CADM1: variants seen among roughly 807,000 people sequenced by gnomAD.
CADM1 encodes TSLC-1.
Under a neutral mutation model 53.1 loss-of-function variants are expected in CADM1, and 15 were observed. That is an observed-to-expected ratio of 0.28 (90% CI 0.19 to 0.44). CADM1 has a LOEUF of 0.44. Among genes scored for constraint, CADM1 ranks in the 20% least tolerant of loss-of-function variants. CADM1 has a pLI of 1.00. For missense variants in CADM1, 434 were observed against 611.3 expected (o/e 0.71, Z 3.06); for synonymous variants, 281 against 243.0 (o/e 1.16, Z -1.45).
intron 1 of CADM1, among the ~76,000 whole-genome samples, chr11:115,311,171 C>A (rs950185886): frequency 2.0e-5 from 3 of 152,132 alleles, no homozygotes; most frequent in Non-Finnish European, 2.9e-5. Flanking sequence ...TTGACGATTT[C>A]TGTCGAAATG....
At chr11:115,282,918 T>C (rs987698625) in intron 1 of CADM1, among the ~76,000 whole-genome samples, 2 of 152,136 alleles carry the variant, frequency 1.3e-5, no homozygotes, top group Non-Finnish European at 2.9e-5. Context: ...TACAGTATTC[T>C]ACAGAGCATA....
intron 1 of CADM1, among the ~76,000 whole-genome samples, chr11:115,367,431 C>T (rs1946193311): frequency 6.6e-6 from 1 of 152,156 alleles, no homozygotes; most frequent in South Asian, 2.1e-4. Context: ...TGAACCTATA[C>T]ATCAAATCAA....
At chr11:115,282,352 A>T (rs1329561355) in intron 1 of CADM1, among the ~76,000 whole-genome samples, 1 of 152,210 alleles carries the variant, frequency 6.6e-6, no homozygotes, top group Non-Finnish European at 1.5e-5. Flanking sequence ...TTTAGCTTCC[A>T]GGATATTATC....
At chr11:115,382,424 A>C (rs1289211372) in intron 1 of CADM1, among the ~76,000 whole-genome samples, 1 of 152,184 alleles carries the variant, frequency 6.6e-6, no homozygotes, top group Non-Finnish European at 1.5e-5. Context: ...AGAATGAGCA[A>C]ACAAATGAAA....
chr11:115,314,783 G>A (rs1944618350), intron 1 of CADM1, among the ~76,000 whole-genome samples: 1 of 152,140 alleles, frequency 6.6e-6, no homozygotes, highest in South Asian at 2.1e-4. Context: ...CACAAACCCT[G>A]CCAGCAGGAA....
At chr11:115,311,519 A>G (rs1222853915) in intron 1 of CADM1, among the ~76,000 whole-genome samples, 4 of 151,946 alleles carry the variant, frequency 2.6e-5, no homozygotes, top group South Asian at 2.1e-4. Context: ...CATATCCCGT[A>G]AATACTATAT....
intron 10 of CADM1, 77 bp from the exon 11 acceptor site, chr11:115,178,852 G>T: frequency 3.4e-6 from 5 of 1,482,690 alleles, no homozygotes; most frequent in South Asian, 1.1e-5. Flanking sequence ...CTGTCTCCAG[G>T]GTCAGAGGGT....
At chr11:115,334,027 G>T (rs1275729955) in intron 1 of CADM1, among the ~76,000 whole-genome samples, 1 of 152,098 alleles carries the variant, frequency 6.6e-6, no homozygotes, top group Non-Finnish European at 1.5e-5. Context: ...TGTTCATTAT[G>T]CATGAGCCTG....
intron 1 of CADM1, among the ~76,000 whole-genome samples, chr11:115,247,152 A>T (rs979489857): frequency 3.9e-5 from 6 of 152,214 alleles, no homozygotes; most frequent in African/African-American, 1.4e-4. Flanking sequence ...ATTACTATGC[A>T]TGGTTTGATT....
chr11:115,400,144 T>C (rs1034767192), intron 1 of CADM1, among the ~76,000 whole-genome samples: 2 of 152,144 alleles, frequency 1.3e-5, no homozygotes, highest in Non-Finnish European at 1.5e-5. Context: ...ACTAGGTCTG[T>C]TGGCTATAAA....
intron 1 of CADM1, among the ~76,000 whole-genome samples, chr11:115,498,175 C>T (rs560446727): frequency 2.1e-4 from 32 of 152,264 alleles, no homozygotes; most frequent in Admixed American, 3.3e-4. Context: ...TCCTTCACCA[C>T]CATCCCACAA....
At chr11:115,401,105 C>A (rs1201237029) in intron 1 of CADM1, among the ~76,000 whole-genome samples, 5 of 152,108 alleles carry the variant, frequency 3.3e-5, no homozygotes, top group Non-Finnish European at 5.9e-5. Flanking sequence ...ATGTCCTTCA[C>A]TAGGTGAATC....
intron 1 of CADM1, among the ~76,000 whole-genome samples, chr11:115,259,429 C>A (rs1267181809): frequency 6.6e-6 from 1 of 150,570 alleles, no homozygotes; most frequent in African/African-American, 2.4e-5. Context: ...CCTCAGCCCC[C>A]CAAGTGGCTG....
chr11:115,306,072 C>CACACACACACACACACACACACA (rs1555060496), intron 1 of CADM1, among the ~76,000 whole-genome samples: 1 of 130,390 alleles, frequency 7.7e-6, no homozygotes, highest in Non-Finnish European at 1.6e-5. Flanking sequence ...AGGATATATA[C>CACACACACACACACACACACACA]CACACACACA....
At chr11:115,249,073 C>T (rs1454007547) in intron 1 of CADM1, among the ~76,000 whole-genome samples, 2 of 152,178 alleles carry the variant, frequency 1.3e-5, no homozygotes, top group African/African-American at 4.8e-5. Flanking sequence ...TTCTGTGATG[C>T]TCGTTTATGG....
chr11:115,240,175 TA>T, intron 2 of CADM1, 98 bp downstream of exon 2: 1 of 1,103,044 alleles, frequency 9.1e-7, no homozygotes, highest in Non-Finnish European at 1.3e-6. Context: ...TTTAAGCATC[TA>T]ACATTAAATT....
At chr11:115,421,421 C>T (rs142275074) in intron 1 of CADM1, among the ~76,000 whole-genome samples, 315 of 152,306 alleles carry the variant, frequency 2.1e-3, no homozygotes, top group Non-Finnish European at 3.0e-3. Context: ...GAATTCTCGA[C>T]CTGTCGCATC....
chr11:115,298,835 CCTT>C (rs1478604287), intron 1 of CADM1, among the ~76,000 whole-genome samples: 1 of 152,184 alleles, frequency 6.6e-6, no homozygotes, highest in Non-Finnish European at 1.5e-5. Context: ...TGGCTGCCCT[CCTT>C]CTCGGTTACA....
intron 10 of CADM1, among the ~76,000 whole-genome samples, chr11:115,181,646 C>T (rs1179007118): frequency 2.0e-5 from 3 of 152,180 alleles, no homozygotes; most frequent in East Asian, 3.9e-4. Flanking sequence ...CCTGGGTTTA[C>T]GTGGGAGGTG....
Sources: gnomAD v4.1 joint callset for allele counts (sites outside exome capture counted in the v4.1 genomes callset) on GRCh38, gnomAD v4.1.1 for gene constraint, MANE v1.5 for transcripts, NCBI Gene and HGNC (gene_info 2026-07-23, HGNC 2026-07-21) for gene names.